FRZB: variants seen among roughly 807,000 people sequenced by gnomAD.
FRZB encodes frizzled related protein, also known as secreted frizzled-related protein 3.
In FRZB, 34 loss-of-function variants were observed where a neutral mutation model predicts 32.5. The ratio of observed to expected loss-of-function variants is 1.05; its 90% CI spans 0.80 to 1.39. FRZB has a LOEUF of 1.39. Ranked by LOEUF, FRZB falls within the 40% of genes most tolerant of loss-of-function variation. The pLI, the probability that FRZB is intolerant of heterozygous loss-of-function variation, is 0.00. For missense variants in FRZB, 423 were observed against 424.8 expected, an observed-to-expected ratio of 1.00 and a Z score of 0.04; for synonymous variants, 170 against 159.2, an observed-to-expected ratio of 1.07 and a Z score of -0.51.
intron 3 of FRZB, among the ~76,000 whole-genome samples, chr2:182,839,992 G>A (rs530018169): frequency 7.2e-5 from 11 of 151,962 alleles, no homozygotes; most frequent in South Asian, 2.1e-4. Context: ...TTCCAATTTC[G>A]TCACAAAAAC....
intron 1 of FRZB, among the ~76,000 whole-genome samples, chr2:182,865,214 T>C (rs1695877647): frequency 6.6e-6 from 1 of 151,788 alleles, no homozygotes; most frequent in African/African-American, 2.4e-5. Flanking sequence ...TTTCAAAACA[T>C]GAGAGTGGAA....
intron 3 of FRZB, among the ~76,000 whole-genome samples, chr2:182,839,831 C>A (rs1475207838): frequency 6.6e-6 from 1 of 152,068 alleles, no homozygotes; most frequent in Non-Finnish European, 1.5e-5. Context: ...AATGAGTCAA[C>A]ATTTCAAAAA....
chr2:182,858,302 T>C (rs1365499995), intron 2 of FRZB, among the ~76,000 whole-genome samples: 1 of 152,190 alleles, frequency 6.6e-6, no homozygotes, highest in Non-Finnish European at 1.5e-5. Context: ...ATCCAAGTAA[T>C]AAAATATTCT....
chr2:182,841,202 G>C (rs1238991298), intron 3 of FRZB, among the ~76,000 whole-genome samples: 2 of 152,106 alleles, frequency 1.3e-5, no homozygotes, highest in Non-Finnish European at 2.9e-5. Context: ...CTTAAGAGGA[G>C]TAGCAGGCAA....
At chr2:182,849,628 A>G (rs1695688366) in intron 2 of FRZB, among the ~76,000 whole-genome samples, 1 of 152,242 alleles carries the variant, frequency 6.6e-6, no homozygotes, top group African/African-American at 2.4e-5. Flanking sequence ...AGTAAAAGTA[A>G]CATTTGCTCA....
intron 2 of FRZB, among the ~76,000 whole-genome samples, chr2:182,848,634 A>G (rs1553502395): frequency 6.6e-6 from 1 of 152,124 alleles, no homozygotes; most frequent in Admixed American, 6.5e-5. Flanking sequence ...AACAACAACA[A>G]CAGCACAACT....
intron 2 of FRZB, among the ~76,000 whole-genome samples, chr2:182,850,587 A>G (rs774240101): frequency 4.3e-4 from 66 of 152,192 alleles, no homozygotes; most frequent in Admixed American, 2.0e-3. Flanking sequence ...ACAATATGTC[A>G]TTGTGCATAT....
intron 2 of FRZB, among the ~76,000 whole-genome samples, chr2:182,858,493 C>T (rs1382786547): frequency 6.6e-6 from 1 of 152,080 alleles, no homozygotes; most frequent in East Asian, 1.9e-4. Context: ...AGGGATACAG[C>T]TTGAAGGAGT....
chr2:182,862,378 T>G (rs544238169), intron 1 of FRZB, among the ~76,000 whole-genome samples: 2 of 152,276 alleles, frequency 1.3e-5, no homozygotes, highest in African/African-American at 4.8e-5. Context: ...GCTTGATTCC[T>G]GGGTTTCTGA....
intron 1 of FRZB, among the ~76,000 whole-genome samples, chr2:182,861,611 A>G (rs1469929988): frequency 6.6e-6 from 1 of 152,256 alleles, no homozygotes; most frequent in Non-Finnish European, 1.5e-5. Context: ...TTAATGGCAA[A>G]TCTAGAATTC....
At chr2:182,847,080 C>A (rs1695651703) in intron 2 of FRZB, among the ~76,000 whole-genome samples, 1 of 152,104 alleles carries the variant, frequency 6.6e-6, no homozygotes, top group Non-Finnish European at 1.5e-5. Flanking sequence ...GCATGTAGGA[C>A]ACATGATGGG....
intron 2 of FRZB, among the ~76,000 whole-genome samples, chr2:182,850,742 A>T (rs1228751414): frequency 6.6e-6 from 1 of 152,230 alleles, no homozygotes; most frequent in Non-Finnish European, 1.5e-5. Flanking sequence ...ATATATACCC[A>T]GTAATAAAAT....
intron 2 of FRZB, among the ~76,000 whole-genome samples, chr2:182,848,837 G>A (rs575127980): frequency 1.3e-5 from 2 of 152,196 alleles, no homozygotes; most frequent in Admixed American, 1.3e-4. Flanking sequence ...TTCCATTTAC[G>A]TGAAGCTGAA....
At chr2:182,860,142 A>G (rs921759489) in intron 1 of FRZB, among the ~76,000 whole-genome samples, 1 of 152,236 alleles carries the variant, frequency 6.6e-6, no homozygotes, top group Non-Finnish European at 1.5e-5. Context: ...TAAGCCAAGG[A>G]GAGTGTTTTA....
intron 5 of FRZB, among the ~76,000 whole-genome samples, chr2:182,835,195 A>T (rs575909287): frequency 6.6e-6 from 1 of 152,282 alleles, no homozygotes; most frequent in South Asian, 2.1e-4. Context: ...ATGCTTTCTT[A>T]TCAAACCTTA....
chr2:182,835,185 A>G (rs1471129152), intron 5 of FRZB, among the ~76,000 whole-genome samples: 1 of 152,092 alleles, frequency 6.6e-6, no homozygotes, highest in Non-Finnish European at 1.5e-5. Context: ...GTATTTAGTA[A>G]TGCTTTCTTA....
intron 2 of FRZB, among the ~76,000 whole-genome samples, chr2:182,849,289 C>G (rs1695684901): frequency 1.3e-5 from 2 of 151,504 alleles, no homozygotes; most frequent in Admixed American, 1.3e-4. Context: ...TGTTCTTTAT[C>G]TTGATCTGGA....
chr2:182,858,842 A>G lies in FRZB; in HGVS notation c.479-9T>C, dbSNP rs781033403. The stretch of plus-strand genomic sequence containing the variant: ...AGAATCCATAGGAAAATCTGAAAGG[A>G]GGTGACAGAAAAAAGAACTATAACA... On this transcript the variant is annotated splice_polypyrimidine_tract_variant and intron_variant, in intron 1 of 5. Coordinates refer to ENST00000295113, the MANE Select transcript of FRZB (RefSeq NM_001463.4). 6.2e-7 allele frequency: 1 copy of G among 1,605,784 alleles called. No homozygotes were observed. Among genetic ancestry groups the G allele is most frequent in the Non-Finnish European group, 8.5e-7 (1 of 1,173,938 alleles).
intron 1 of FRZB, among the ~76,000 whole-genome samples, chr2:182,864,654 T>C (rs1559052682): frequency 6.6e-6 from 1 of 152,220 alleles, no homozygotes; most frequent in African/African-American, 2.4e-5. Flanking sequence ...TTCAGCTATT[T>C]TTACAATTAC....
Sources: allele counts gnomAD v4.1 joint callset (sites outside exome capture counted in the v4.1 genomes callset), GRCh38; gene constraint gnomAD v4.1.1; transcripts MANE v1.5; gene names NCBI Gene and HGNC (gene_info 2026-07-23, HGNC 2026-07-21).